Variants in ZFHX3 observed in about 807,000 individuals in gnomAD.
ZFHX3 encodes the protein zinc finger homeobox 3.
A neutral mutation model predicts 279.1 loss-of-function variants in ZFHX3; 42 were observed. That is an observed-to-expected ratio of 0.15 (90% CI 0.12 to 0.19). The LOEUF is 0.19. ZFHX3 is among the 10% of genes least tolerant of loss of function. The pLI is 1.00. For missense variants in ZFHX3, 4,981 were observed against 4,754.0 expected, an observed-to-expected ratio of 1.05 and a Z score of -1.40; for synonymous variants, 2,293 against 1,957.8, an observed-to-expected ratio of 1.17 and a Z score of -4.52.
intron 3 of ZFHX3, among the ~76,000 whole-genome samples, chr16:72,894,793 G>A (rs1163423583): frequency 1.3e-5 from 2 of 152,132 alleles, no homozygotes; most frequent in South Asian, 2.1e-4. Context: ...TGCTCTCCTC[G>A]CCAGGCAGGA....
intron 1 of ZFHX3, among the ~76,000 whole-genome samples, chr16:73,758,126 G>A (rs1441450063): frequency 6.6e-6 from 1 of 152,166 alleles, no homozygotes; most frequent in African/African-American, 2.4e-5. Flanking sequence ...CTGAAATAAG[G>A]AGCTCAATTC....
At chr16:73,458,528 A>G (rs372800804) in intron 2 of ZFHX3, among the ~76,000 whole-genome samples, 3 of 151,992 alleles carry the variant, frequency 2.0e-5, no homozygotes, top group East Asian at 3.9e-4. Context: ...GGAACCTGCC[A>G]CCACACCCTG....
intron 4 of ZFHX3, 80 bp from the exon 5 acceptor site, chr16:72,829,939 C>T (rs2037024633): frequency 1.0e-5 from 15 of 1,448,158 alleles, no homozygotes; most frequent in Non-Finnish European, 1.4e-5. Flanking sequence ...CAAACAACTG[C>T]CAACGACAGA....
chr16:73,714,467 A>G (rs758574391), intron 1 of ZFHX3, among the ~76,000 whole-genome samples: 1 of 152,144 alleles, frequency 6.6e-6, no homozygotes, highest in Non-Finnish European at 1.5e-5. Context: ...GCAGCATGGT[A>G]GGATTCCACT....
intron 2 of ZFHX3, among the ~76,000 whole-genome samples, chr16:73,596,073 T>C (rs1365134991): frequency 6.6e-6 from 1 of 151,876 alleles, no homozygotes; most frequent in South Asian, 2.1e-4. Context: ...CAGGCTGGAG[T>C]GCAGTGGTGC....
intron 5 of ZFHX3, among the ~76,000 whole-genome samples, chr16:72,828,869 T>G (rs1268177975): frequency 6.6e-6 from 1 of 151,902 alleles, no homozygotes; most frequent in Non-Finnish European, 1.5e-5. Context: ...TGCCTAATTT[T>G]TTGTAGAGAC....
At chr16:73,300,264 TAAAAAAA>T (rs36110201) in intron 4 of ZFHX3, among the ~76,000 whole-genome samples, 1 of 124,054 alleles carries the variant, frequency 8.1e-6, no homozygotes, top group Non-Finnish European at 1.6e-5. Flanking sequence ...CTCTGTCTCT[TAAAAAAA>T]AAAAAAAAAA....
At chr16:73,318,473 T>C (rs1333837301) in intron 3 of ZFHX3, 1 of 152,152 alleles carries the variant, frequency 6.6e-6, no homozygotes, top group Non-Finnish European at 1.5e-5. Context: ...TGTCCAAAGA[T>C]GCAATTAGGC....
chr16:72,826,331 T>C (rs1205186554), intron 5 of ZFHX3, among the ~76,000 whole-genome samples: 1 of 152,120 alleles, frequency 6.6e-6, no homozygotes, highest in African/African-American at 2.4e-5. Context: ...AAAATGCCAA[T>C]TATCCAGGCC....
chr16:73,149,497 A>C (rs1354735230), intron 5 of ZFHX3, among the ~76,000 whole-genome samples: 1 of 152,154 alleles, frequency 6.6e-6, no homozygotes, highest in Non-Finnish European at 1.5e-5. Context: ...TGTGTGCCAA[A>C]GTAATCAGGA....
intron 4 of ZFHX3, among the ~76,000 whole-genome samples, chr16:73,292,847 T>C (rs967943044): frequency 2.0e-5 from 3 of 152,136 alleles, no homozygotes; most frequent in African/African-American, 7.2e-5. Flanking sequence ...GGACTAAAGC[T>C]AGGAGGTATT....
chr16:72,950,664 C>T lies in ZFHX3; in HGVS notation c.3021G>A (p.Lys1007=). 6.2e-7 allele frequency: 1 copy of T among 1,614,234 alleles called. No individual in the cohort carries two copies. The highest frequency in any genetic ancestry group is 1.1e-5 in the South Asian group (1 of 91,088). ...CCACCAGCTGGTACTTCTGCACGTG[C>T]TTGTCTGTCTTGCAGTGCAGCTGGA... ...ANFQLHCKTD[K]HVQKYQLVAH... is the part of the protein sequence containing the mutation. The change falls in exon 3 of 10, where the codon AAG becomes AAA. Residue 1007 remains lysine, a synonymous_variant. Coordinates refer to ENST00000268489, the MANE Select transcript of ZFHX3 (RefSeq NM_006885.4).
intron 4 of ZFHX3, among the ~76,000 whole-genome samples, chr16:72,888,662 G>A (rs866882206): frequency 6.6e-6 from 1 of 152,228 alleles, no homozygotes; most frequent in African/African-American, 2.4e-5. Context: ...GGCAAGGGAA[G>A]GGGAAGGGAG....
intron 8 of ZFHX3, among the ~76,000 whole-genome samples, chr16:73,070,942 A>ACG (rs1567657083): frequency 3.6e-4 from 4 of 10,966 alleles, no homozygotes; most frequent in Non-Finnish European, 1.1e-3. Context: ...GCGCGCGCAC[A>ACG]CACACACACA....
chr16:73,266,165 A>G (rs1011900450), intron 4 of ZFHX3, among the ~76,000 whole-genome samples: 1 of 152,322 alleles, frequency 6.6e-6, no homozygotes, highest in Non-Finnish European at 1.5e-5. Context: ...TTTAGGTCCT[A>G]TAGGCAAAGA....
intron 3 of ZFHX3, among the ~76,000 whole-genome samples, chr16:72,913,137 T>C (rs1004538723): frequency 6.6e-6 from 1 of 152,260 alleles, no homozygotes; most frequent in Admixed American, 6.5e-5. Context: ...AGTTCCCATG[T>C]GCCCTTCACA....
chr16:73,339,027 T>A (rs2015977286), intron 3 of ZFHX3, among the ~76,000 whole-genome samples: 1 of 152,182 alleles, frequency 6.6e-6, no homozygotes. Flanking sequence ...CAGAAGCAGA[T>A]CCCAGTGCTA....
At chr16:73,327,845 AG>A (rs1478781143) in intron 3 of ZFHX3, among the ~76,000 whole-genome samples, 3 of 152,270 alleles carry the variant, frequency 2.0e-5, no homozygotes, top group Non-Finnish European at 4.4e-5. Flanking sequence ...ATTTGCCCCC[AG>A]GGGACTCTGA....
intron 5 of ZFHX3, among the ~76,000 whole-genome samples, chr16:73,204,491 A>T (rs781386092): frequency 6.6e-6 from 1 of 152,126 alleles, no homozygotes; most frequent in Non-Finnish European, 1.5e-5. Flanking sequence ...CTCCTGTGAG[A>T]ATCTAATGTC....
Sources: allele counts gnomAD v4.1 joint callset (sites outside exome capture counted in the v4.1 genomes callset), GRCh38; gene constraint gnomAD v4.1.1; transcripts MANE v1.5; gene names NCBI Gene and HGNC (gene_info 2026-07-23, HGNC 2026-07-21).